The following GPC3 variants were observed in gnomAD, a reference collection of about 807,000 sequenced individuals.
The protein encoded by GPC3 is glypican-3.
Under a neutral mutation model 34.4 loss-of-function variants are expected in GPC3, and 3 were observed. The observed-to-expected ratio is 0.09, with a 90% CI of 0.04 to 0.23. GPC3 has a LOEUF of 0.23. Ranked by LOEUF, GPC3 falls within the 10% of genes least tolerant of loss-of-function variation. The pLI, the probability that GPC3 is intolerant of heterozygous loss-of-function variation, is 1.00. For missense variants in GPC3, 351 were observed against 445.6 expected (o/e 0.79, Z 1.91); for synonymous variants, 177 against 174.0 (o/e 1.02, Z -0.13).
chrX:133,857,371 TA>T (rs1466042656), intron 2 of GPC3, among the ~76,000 whole-genome samples: 1 of 112,504 alleles, frequency 8.9e-6, no homozygotes, highest in African/African-American at 3.2e-5. Flanking sequence ...ATTTTAAAAT[TA>T]TTGTTCTTTG....
At chrX:133,847,473 C>T (rs945707435) in intron 2 of GPC3, among the ~76,000 whole-genome samples, 2 of 112,066 alleles carry the variant, frequency 1.8e-5, no homozygotes, top group African/African-American at 6.5e-5. Context: ...ATCCGACTGC[C>T]TATATAACAG....
At chrX:133,870,946 T>C (rs1171860026) in intron 2 of GPC3, among the ~76,000 whole-genome samples, 1 of 112,102 alleles carries the variant, frequency 8.9e-6, no homozygotes, top group East Asian at 2.8e-4. Flanking sequence ...CCCTCAAGGC[T>C]TTCATTCTCA....
intron 1 of GPC3, among the ~76,000 whole-genome samples, chrX:133,954,233 A>G (rs775557446): frequency 8.9e-6 from 1 of 111,981 alleles, no homozygotes; most frequent in South Asian, 3.7e-4. Context: ...AGTGATGGAT[A>G]TGTTCATTAT....
Position 133,796,055 on chromosome X carries a change from C to A in GPC3, c.338-41879G>T, listed in dbSNP as rs1159448851. ...CCGCCTCCCGGGTTCACGCCATTCTCCTGCCTCAGCCTGCCGAGTAGCTGG... is the reference window on the plus strand; with the variant it reads ...CCGCCTCCCGGGTTCACGCCATTCTACTGCCTCAGCCTGCCGAGTAGCTGG... On this transcript the variant is annotated intron_variant, in intron 2 of 7. Coordinates refer to ENST00000370818, the MANE Select transcript of GPC3 (RefSeq NM_004484.4). 2.6e-4 allele frequency among the ~76,000 whole-genome samples: 28 copies of A among 106,540 alleles called. No individual in the cohort carries two copies. In the East Asian group the frequency reaches 8.0e-3, roughly 30 times the overall value. The allele number at this position is 106,540 out of a possible 115,157, so 92.5% of individuals were successfully genotyped here.
chrX:133,915,108 T>C (rs1228529509), intron 2 of GPC3, among the ~76,000 whole-genome samples: 2 of 108,391 alleles, frequency 1.8e-5, no homozygotes, highest in Admixed American at 2.0e-4. Context: ...AATATTCCAT[T>C]GTATGGATGT....
At chrX:133,586,959 T>C (rs1258254340) in intron 7 of GPC3, among the ~76,000 whole-genome samples, 3 of 111,793 alleles carry the variant, frequency 2.7e-5, no homozygotes. Context: ...TTCTTTGTGC[T>C]GGGAACATTC....
intron 3 of GPC3, among the ~76,000 whole-genome samples, chrX:133,732,610 G>C (rs1179781177): frequency 1.8e-5 from 2 of 111,555 alleles, no homozygotes; most frequent in Admixed American, 9.5e-5. Context: ...CAAGCAAAAT[G>C]ATGGAGAGAT....
intron 2 of GPC3, among the ~76,000 whole-genome samples, chrX:133,839,783 T>A (rs750704277): frequency 9.3e-6 from 1 of 107,733 alleles, no homozygotes; most frequent in African/African-American, 3.4e-5. Context: ...ACAAGAAAAA[T>A]TAGGCGTGGT....
intron 6 of GPC3, among the ~76,000 whole-genome samples, chrX:133,607,042 A>C (rs761184457): frequency 9.0e-6 from 1 of 111,301 alleles, no homozygotes; most frequent in South Asian, 3.8e-4. Context: ...TTGAGTCACA[A>C]CTATTAGCAT....
At chrX:133,671,044 T>C (rs2070821934) in intron 5 of GPC3, 7 of 555,466 alleles carry the variant, frequency 1.3e-5, no homozygotes, top group South Asian at 4.5e-5. Context: ...CAAATGGTCA[T>C]TGATGTCCTT....
intron 1 of GPC3, among the ~76,000 whole-genome samples, chrX:133,963,205 T>G (rs2076449076): frequency 8.9e-6 from 1 of 112,164 alleles, no homozygotes; most frequent in Non-Finnish European, 1.9e-5. Context: ...AATAACCACA[T>G]GTCCTTTTAC....
intron 2 of GPC3, among the ~76,000 whole-genome samples, chrX:133,836,664 A>G (rs1255172575): frequency 8.9e-6 from 1 of 112,372 alleles, no homozygotes; most frequent in Non-Finnish European, 1.9e-5. Context: ...ATGGTGACCA[A>G]GTTACATCCT....
chrX:133,823,153 A>C (rs1432283599), intron 2 of GPC3, among the ~76,000 whole-genome samples: 2 of 101,969 alleles, frequency 2.0e-5, no homozygotes, highest in Non-Finnish European at 4.0e-5. Context: ...AAAAAAAAAA[A>C]AAAAAAAAAA....
intron 2 of GPC3, among the ~76,000 whole-genome samples, chrX:133,795,214 C>T (rs914011266): frequency 8.9e-5 from 10 of 112,442 alleles, no homozygotes; most frequent in African/African-American, 9.7e-5. Context: ...CTGATATAAT[C>T]GAAAGAAACA....
chrX:133,625,162 A>C (rs983560257), intron 6 of GPC3, among the ~76,000 whole-genome samples: 4 of 111,916 alleles, frequency 3.6e-5, no homozygotes, highest in Non-Finnish European at 7.5e-5. Context: ...GATGGGACGT[A>C]TCTCAAAATA....
chrX:133,574,341 G>C (rs1463371708), intron 7 of GPC3, among the ~76,000 whole-genome samples: 4 of 110,223 alleles, frequency 3.6e-5, no homozygotes, highest in African/African-American at 1.3e-4. Flanking sequence ...TCCCAATGAA[G>C]CTATTGAGAA....
chrX:133,873,389 T>C (rs763943981), intron 2 of GPC3, among the ~76,000 whole-genome samples: 5 of 112,117 alleles, frequency 4.5e-5, no homozygotes, highest in Non-Finnish European at 9.4e-5. Flanking sequence ...CCAGTCCCAA[T>C]ATATATATTC....
rs777011404 is a variant in GPC3 at position 133,810,903 on chromosome X, T to C, written c.338-56727A>G. On this transcript the variant is annotated intron_variant, in intron 2 of 7. Coordinates refer to ENST00000370818, the MANE Select transcript of GPC3 (RefSeq NM_004484.4). ...AAAGAAAGAGGCCTGGCCTAGAAGA[T>C]AGAAGACCTAAATCAGAACCAGGCA... is the stretch of plus-strand genomic sequence containing the variant. Among the ~76,000 whole-genome samples, 8 of 105,642 alleles carry C rather than the reference T, an allele frequency of 7.6e-5. No homozygotes were observed. In the East Asian group the frequency reaches 2.1e-3, roughly 28 times the overall value. The allele number at this position is 105,642 out of a possible 115,157, so 91.7% of individuals were successfully genotyped here. A position where few individuals can be genotyped will look rare whatever the true frequency, so the allele number is the denominator to read the frequency against.
chrX:133,725,992 T>C (rs1168812808), intron 3 of GPC3, among the ~76,000 whole-genome samples: 1 of 111,952 alleles, frequency 8.9e-6, no homozygotes, highest in Non-Finnish European at 1.9e-5. Flanking sequence ...TATATCTAGA[T>C]TCAAAGAAGG....
Sources: gnomAD v4.1 joint callset for allele counts (sites outside exome capture counted in the v4.1 genomes callset) on GRCh38, gnomAD v4.1.1 for gene constraint, MANE v1.5 for transcripts, NCBI Gene and HGNC (gene_info 2026-07-23, HGNC 2026-07-21) for gene names.